The following PTGFR variants were observed in gnomAD, a reference collection of about 807,000 sequenced individuals.
PTGFR encodes prostaglandin F2-alpha receptor.
Under a neutral mutation model 26.2 loss-of-function variants are expected in PTGFR, and 15 were observed. That is an observed-to-expected ratio of 0.57 (90% CI 0.38 to 0.88). The LOEUF (loss-of-function observed/expected upper bound fraction) is 0.88, where lower values mean the gene tolerates loss of function less well. Among genes scored for constraint, PTGFR ranks in the 40% least tolerant of loss-of-function variants. PTGFR has a pLI of 0.00. For missense variants in PTGFR, 369 were observed against 427.2 expected, an observed-to-expected ratio of 0.86 and a Z score of 1.20; for synonymous variants, 165 against 151.1, an observed-to-expected ratio of 1.09 and a Z score of -0.68.
At chr1:78,524,302 T>A (rs534135008) in intron 2 of PTGFR, among the ~76,000 whole-genome samples, 13 of 152,200 alleles carry the variant, frequency 8.5e-5, no homozygotes, top group African/African-American at 2.6e-4. Context: ...AGTAATCCAT[T>A]TGGTATCAAC....
At chr1:78,508,639 A>G (rs187447004) in intron 2 of PTGFR, among the ~76,000 whole-genome samples, 1 of 152,278 alleles carries the variant, frequency 6.6e-6, no homozygotes, top group African/African-American at 2.4e-5. Flanking sequence ...GTCCGGCCTG[A>G]CTTTTCCAGC....
intron 2 of PTGFR, among the ~76,000 whole-genome samples, chr1:78,535,584 C>T (rs1650625123): frequency 6.6e-6 from 1 of 152,052 alleles, no homozygotes; most frequent in Admixed American, 6.6e-5. Context: ...GTTTGTATAT[C>T]CAAGATGTTT....
At chr1:78,514,757 T>TG (rs2100376530) in intron 2 of PTGFR, among the ~76,000 whole-genome samples, 2 of 152,280 alleles carry the variant, frequency 1.3e-5, no homozygotes, top group East Asian at 3.9e-4. Context: ...GATTGAATTA[T>TG]GGGGGTGAAT....
chr1:78,529,932 T>A (rs1344306437), intron 2 of PTGFR, among the ~76,000 whole-genome samples: 1 of 152,130 alleles, frequency 6.6e-6, no homozygotes, highest in East Asian at 1.9e-4. Context: ...CTTATGAGAA[T>A]CTAATGCGTG....
At chr1:78,519,925 T>C (rs1421542792) in intron 2 of PTGFR, among the ~76,000 whole-genome samples, 1 of 152,168 alleles carries the variant, frequency 6.6e-6, no homozygotes, top group Non-Finnish European at 1.5e-5. Context: ...ATTGTTGATT[T>C]ATAAATTCCT....
chr1:78,497,441 T>C (rs757242758), intron 2 of PTGFR, among the ~76,000 whole-genome samples: 18 of 152,154 alleles, frequency 1.2e-4, no homozygotes, highest in African/African-American at 3.6e-4. Context: ...CACATAAATA[T>C]TGAACACATT....
chr1:78,503,683 C>T (rs1055617426), intron 2 of PTGFR, among the ~76,000 whole-genome samples: 1 of 152,200 alleles, frequency 6.6e-6, no homozygotes, highest in African/African-American at 2.4e-5. Flanking sequence ...CATGCTTCCT[C>T]TGCCTACTTT....
At chr1:78,500,771 A>G (rs1649683995) in intron 2 of PTGFR, among the ~76,000 whole-genome samples, 1 of 152,246 alleles carries the variant, frequency 6.6e-6, no homozygotes, top group African/African-American at 2.4e-5. Flanking sequence ...TTACAGTGTT[A>G]TTTGATAAAT....
At chr1:78,510,508 G>T (rs1470602537) in intron 2 of PTGFR, among the ~76,000 whole-genome samples, 1 of 152,138 alleles carries the variant, frequency 6.6e-6, no homozygotes. Context: ...TTACCACAAA[G>T]AAGGCATGAA....
intron 2 of PTGFR, among the ~76,000 whole-genome samples, chr1:78,509,344 C>G (rs1649904624): frequency 6.6e-6 from 1 of 152,172 alleles, no homozygotes; most frequent in African/African-American, 2.4e-5. Context: ...TTGCTCAACA[C>G]CTGTGCATTA....
At chr1:78,520,139 C>T (rs979557364) in intron 2 of PTGFR, among the ~76,000 whole-genome samples, 18 of 152,016 alleles carry the variant, frequency 1.2e-4, no homozygotes, top group African/African-American at 3.6e-4. Flanking sequence ...TTTGGGTTTG[C>T]GCCATTCTGA....
chr1:78,493,007 A>G lies in PTGFR; in HGVS notation c.264A>G (p.Ala88=). The G allele has an allele frequency of 6.2e-7, 1 of 1,614,262 alleles. No homozygotes were observed. Among genetic ancestry groups the G allele is most frequent in the South Asian group, 1.1e-5 (1 of 91,082 alleles). The stretch of plus-strand genomic sequence containing the variant: ...GCCATCTCATCAATGGAGCCATAGC[A>G]GTATTTGTATATGCTTCTGATAAAG... ...FFGHLINGAI[A]VFVYASDKEW... is the part of the protein sequence containing the mutation. The change falls in exon 2 of 3, where the codon GCA becomes GCG. Residue 88 remains alanine, a synonymous_variant. Coordinates refer to ENST00000370757, the MANE Select transcript of PTGFR (RefSeq NM_000959.4).
intron 2 of PTGFR, among the ~76,000 whole-genome samples, chr1:78,525,761 CAG>C (rs1650356076): frequency 6.6e-6 from 1 of 152,012 alleles, no homozygotes; most frequent in Non-Finnish European, 1.5e-5. Flanking sequence ...ACCACATTAA[CAG>C]AAATTGAGAC....
chr1:78,529,945 G>A (rs542754649), intron 2 of PTGFR, among the ~76,000 whole-genome samples: 1 of 152,250 alleles, frequency 6.6e-6, no homozygotes, highest in South Asian at 2.1e-4. Context: ...AATGCGTGAT[G>A]ATCTGAGGTG....
Position 78,492,971 on chromosome 1 carries a change from T to C in PTGFR, c.228T>C (p.Thr76=). ...FLLLASGLVI[T]DFFGHLINGA... ...TTTTGGCCAGTGGCCTGGTAATCAC[T>C]GATTTCTTTGGCCATCTCATCAATG... The change falls in exon 2 of 3, where the codon ACT becomes ACC. Residue 76 remains threonine, a synonymous_variant. Transcript: ENST00000370757. The C allele has an allele frequency of 6.2e-7, 1 of 1,614,238 alleles. No homozygotes were observed. Among genetic ancestry groups the C allele is most frequent in the Non-Finnish European group, 8.5e-7 (1 of 1,180,034 alleles).
At chr1:78,495,656 T>G (rs1649530194) in intron 2 of PTGFR, among the ~76,000 whole-genome samples, 1 of 152,208 alleles carries the variant, frequency 6.6e-6, no homozygotes, top group Non-Finnish European at 1.5e-5. Flanking sequence ...TTCTGAGGCA[T>G]CTTAAAAATT....
Position 78,536,729 on chromosome 1 carries a change from A to G in PTGFR, c.*42A>G, listed in dbSNP as rs1318430976. On this transcript the variant is annotated 3_prime_UTR_variant, in exon 3 of 3. Coordinates refer to ENST00000370757, the MANE Select transcript of PTGFR (RefSeq NM_000959.4). ...ATCTGTGTGGGGCTAGAACAAAATT[A>G]AGACATGTTTGGCAATATTTCAGTT... The G allele has an allele frequency of 1.9e-6, 3 of 1,558,264 alleles. No individual in the cohort carries two copies. Among genetic ancestry groups the G allele is most frequent in the Non-Finnish European group, 2.6e-6 (3 of 1,155,122 alleles).
intron 2 of PTGFR, among the ~76,000 whole-genome samples, chr1:78,520,667 GT>G (rs1289280424): frequency 6.6e-6 from 1 of 152,008 alleles, no homozygotes; most frequent in Non-Finnish European, 1.5e-5. Context: ...TTTGCCATTG[GT>G]TTGGGATCAA....
chr1:78,535,637 C>T (rs143884569), intron 2 of PTGFR, among the ~76,000 whole-genome samples: 1 of 152,058 alleles, frequency 6.6e-6, no homozygotes, highest in African/African-American at 2.4e-5. Flanking sequence ...GTTTGGAAGT[C>T]AAAGCTGGGA....
Sources: allele counts gnomAD v4.1 joint callset (sites outside exome capture counted in the v4.1 genomes callset), GRCh38; gene constraint gnomAD v4.1.1; transcripts MANE v1.5; gene names NCBI Gene and HGNC (gene_info 2026-07-23, HGNC 2026-07-21).